Variants in CPEB3 observed in about 807,000 individuals in gnomAD.
The protein encoded by CPEB3 is cytoplasmic polyadenylation element binding protein 3.
In CPEB3, 20 loss-of-function variants were observed where a neutral mutation model predicts 67.2. That is an observed-to-expected ratio of 0.30 (90% CI 0.21 to 0.43). CPEB3 has a LOEUF of 0.43. CPEB3 is among the 20% of genes least tolerant of loss of function. The probability of loss-of-function intolerance (pLI) is 1.00; values close to 1 mark genes in which losing one functional copy is unlikely to be tolerated. For synonymous variants in CPEB3, 376 were observed against 393.1 expected (o/e 0.96, Z 0.51); for missense variants, 746 against 968.6 (o/e 0.77, Z 3.05).
intron 8 of CPEB3, among the ~76,000 whole-genome samples, chr10:92,088,060 G>T (rs1414900484): frequency 6.6e-6 from 1 of 152,114 alleles, no homozygotes; most frequent in African/African-American, 2.4e-5. Context: ...TATTGTCACC[G>T]ATGGGAATGA....
intron 9 of CPEB3, among the ~76,000 whole-genome samples, chr10:92,054,365 C>A (rs1333356103): frequency 2.6e-5 from 4 of 151,550 alleles, no homozygotes; most frequent in Admixed American, 6.6e-5. Flanking sequence ...ATCAGACTGG[C>A]AAACATTTAA....
intron 1 of CPEB3, among the ~76,000 whole-genome samples, chr10:92,270,313 C>T (rs1853249811): frequency 6.6e-6 from 1 of 152,106 alleles, no homozygotes; most frequent in Admixed American, 6.6e-5. Context: ...GGAGTAACGT[C>T]AGCCTTAAAG....
chr10:92,168,627 C>T (rs916830427), intron 4 of CPEB3, among the ~76,000 whole-genome samples: 1 of 151,916 alleles, frequency 6.6e-6, no homozygotes, highest in Non-Finnish European at 1.5e-5. Context: ...TGAGTTCTCA[C>T]GAGATCTGAT....
intron 4 of CPEB3, among the ~76,000 whole-genome samples, chr10:92,167,800 C>T (rs1847814841): frequency 1.3e-5 from 2 of 151,748 alleles, no homozygotes; most frequent in South Asian, 2.1e-4. Flanking sequence ...CCCAGCTACT[C>T]GGGAGACTGA....
intron 4 of CPEB3, among the ~76,000 whole-genome samples, chr10:92,169,261 C>T (rs1440749554): frequency 6.6e-6 from 1 of 151,894 alleles, no homozygotes; most frequent in South Asian, 2.1e-4. Flanking sequence ...GTCTTGGCCT[C>T]CCAAGTAGCT....
chr10:92,145,125 T>G (rs1230002374), intron 4 of CPEB3, 40 bp from the exon 5 acceptor site: 1 of 1,607,876 alleles, frequency 6.2e-7, no homozygotes, highest in African/African-American at 1.3e-5. Flanking sequence ...GAAACAAATG[T>G]GGGAGTTTCT....
At chr10:92,153,224 G>A (rs1847044663) in intron 4 of CPEB3, among the ~76,000 whole-genome samples, 1 of 152,212 alleles carries the variant, frequency 6.6e-6, no homozygotes, top group South Asian at 2.1e-4. Flanking sequence ...CCCTGGAATA[G>A]CTGATCTCTC....
intron 2 of CPEB3, among the ~76,000 whole-genome samples, chr10:92,199,488 C>T (rs1849405685): frequency 6.6e-6 from 1 of 151,104 alleles, no homozygotes; most frequent in Admixed American, 6.6e-5. Context: ...GTCAGGAGTT[C>T]GAGACCATCC....
At chr10:92,107,912 A>T (rs1371397507) in intron 7 of CPEB3, among the ~76,000 whole-genome samples, 1 of 152,164 alleles carries the variant, frequency 6.6e-6, no homozygotes. Flanking sequence ...ACTGATGAAA[A>T]ATATCTCCCT....
At chr10:92,157,880 T>C (rs904753264) in intron 4 of CPEB3, among the ~76,000 whole-genome samples, 5 of 152,166 alleles carry the variant, frequency 3.3e-5, no homozygotes, top group African/African-American at 9.7e-5. Flanking sequence ...AAAATAATTT[T>C]AATGAAAGTG....
rs1023080266 is a variant in CPEB3 at position 92,052,029 on chromosome 10, C to T, written c.*183G>A. The T allele has an allele frequency of 3.5e-6, 2 of 570,328 alleles. No individual in the cohort carries two copies. The highest frequency in any genetic ancestry group is 3.0e-5 in the Admixed American group (1 of 33,064). 35.3% of individuals were successfully genotyped at this position (570,328 alleles called of 1,614,324 possible). A position where few individuals can be genotyped will look rare whatever the true frequency, so the allele number is the denominator to read the frequency against. ...CTACACTCTGCAATTCTGCATTATACTGGACACTGAGTTCAGTAATATGAC... is the reference window on the plus strand; with the variant it reads ...CTACACTCTGCAATTCTGCATTATATTGGACACTGAGTTCAGTAATATGAC... On this transcript the variant is annotated 3_prime_UTR_variant, in exon 10 of 10. Transcript: ENST00000265997.
chr10:92,109,805 C>T (rs552991867), intron 7 of CPEB3, among the ~76,000 whole-genome samples: 1 of 152,272 alleles, frequency 6.6e-6, no homozygotes, highest in South Asian at 2.1e-4. Flanking sequence ...TTATAGGTGG[C>T]CAAGTCTCAA....
In CPEB3 at chr10:92,137,360, A is replaced by AT. The variant is rs1233151811; in HGVS notation, c.1453+5668_1453+5669insA. ...ATATCTGATATGCTTAACCAGAGAT[A>AT]CCTGTCTCCCAAATACATCAAGATG... is the stretch of plus-strand genomic sequence containing the variant. On this transcript the variant is annotated intron_variant, in intron 6 of 9. Transcript: ENST00000265997. 1.1e-5 allele frequency: 11 copies of AT among 1,016,860 alleles called. No individual in the cohort carries two copies. The East Asian group carries it at 2.6e-4, about 24-fold the overall frequency. 63.0% of individuals were successfully genotyped at this position (1,016,860 alleles called of 1,614,324 possible).
intron 4 of CPEB3, among the ~76,000 whole-genome samples, chr10:92,147,161 A>G (rs1376428539): frequency 6.6e-6 from 1 of 152,222 alleles, no homozygotes; most frequent in African/African-American, 2.4e-5. Context: ...TCTACAGTAA[A>G]GAAACATTAA....
At chr10:92,076,496 T>C (rs755111296) in intron 9 of CPEB3, 3 of 152,116 alleles carry the variant, frequency 2.0e-5, no homozygotes, top group Non-Finnish European at 2.9e-5. Context: ...CTTTGACCTC[T>C]TGGGCTCAAG....
Position 92,049,025 on chromosome 10 carries a change from C to G in CPEB3, c.*3187G>C, listed in dbSNP as rs1276454151. On this transcript the variant is annotated 3_prime_UTR_variant, in exon 10 of 10. Coordinates refer to ENST00000265997, the MANE Select transcript of CPEB3 (RefSeq NM_014912.5). ...ATATGTAAATATGTTTAATTTTTTT[C>G]TTAGCAAAAAATCTTTCTAAAAATA... 6.6e-6 allele frequency: 1 copy of G among 152,316 alleles called. No individual in the cohort carries two copies. The highest frequency in any genetic ancestry group is 2.4e-5 in the African/African-American group (1 of 41,372). The allele number at this position is 152,316 out of a possible 1,614,324, so 9.4% of individuals were successfully genotyped here.
chr10:92,174,230 C>G (rs1458384647), intron 4 of CPEB3, among the ~76,000 whole-genome samples: 4 of 152,218 alleles, frequency 2.6e-5, no homozygotes, highest in African/African-American at 4.8e-5. Flanking sequence ...GGAGTTCACT[C>G]CCAGCAGAGG....
rs1305619809 is a variant in CPEB3, at chr10:92,200,514, C to T, written c.1006-7878G>A. Among the ~76,000 whole-genome samples the T allele has an allele frequency of 2.9e-5, 4 of 136,780 alleles. No individual in the cohort carries two copies. The South Asian group carries it at 6.9e-4, about 23-fold the overall frequency. 89.7% of individuals were successfully genotyped at this position (136,780 alleles called of 152,430 possible). On this transcript the variant is annotated intron_variant, in intron 2 of 9. Transcript: ENST00000265997. ...GAGCCGAGATCACACCACTGCACTC[C>T]AGCCTGGGTGACAAGAGTGAAACTC...
At chr10:92,228,718 ATT>A (rs59272265) in intron 2 of CPEB3, among the ~76,000 whole-genome samples, 3 of 144,176 alleles carry the variant, frequency 2.1e-5, no homozygotes, top group African/African-American at 2.6e-5. Flanking sequence ...ATATATATAC[ATT>A]TTTTTTTTTT....
Sources: gnomAD v4.1 joint callset for allele counts (sites outside exome capture counted in the v4.1 genomes callset) on GRCh38, gnomAD v4.1.1 for gene constraint, MANE v1.5 for transcripts, NCBI Gene and HGNC (gene_info 2026-07-23, HGNC 2026-07-21) for gene names.